NUP35: variants seen among roughly 807,000 people sequenced by gnomAD.
The protein encoded by NUP35 is nucleoporin 35, also known as nucleoporin NUP35.
Under a neutral mutation model 41.5 loss-of-function variants are expected in NUP35, and 25 were observed. The observed-to-expected ratio is 0.60, with a 90% CI of 0.44 to 0.84. The LOEUF (loss-of-function observed/expected upper bound fraction) is 0.84, where lower values mean the gene tolerates loss of function less well. NUP35 is among the 40% of genes least tolerant of loss of function. The pLI is 0.00. For missense variants in NUP35, 396 were observed against 396.6 expected, an observed-to-expected ratio of 1.00 and a Z score of 0.01; for synonymous variants, 149 against 130.7, an observed-to-expected ratio of 1.14 and a Z score of -0.96.
intron 4 of NUP35, among the ~76,000 whole-genome samples, chr2:183,146,846 C>T (rs1685298476): frequency 1.3e-5 from 2 of 152,160 alleles, no homozygotes; most frequent in Admixed American, 1.3e-4. Context: ...ATCCAAACGC[C>T]TTGGCCTCCC....
At chr2:183,136,959 G>A (rs190489339) in intron 4 of NUP35, among the ~76,000 whole-genome samples, 601 of 152,162 alleles carry the variant, frequency 3.9e-3, no homozygotes, top group Middle Eastern at 6.8e-3. Context: ...GCATGGTGGT[G>A]CACGCTTGTA....
chr2:183,143,902 GT>G (rs1193672577), intron 4 of NUP35, among the ~76,000 whole-genome samples: 4 of 152,130 alleles, frequency 2.6e-5, no homozygotes, highest in African/African-American at 9.7e-5. Context: ...TATAATGTGT[GT>G]GCCATACTGC....
chr2:183,137,056 C>T (rs564134381), intron 4 of NUP35, among the ~76,000 whole-genome samples: 83 of 151,956 alleles, frequency 5.5e-4, no homozygotes, highest in Non-Finnish European at 1.1e-3. Flanking sequence ...AGCCACTGCA[C>T]TCCAGCCTGG....
At chr2:183,136,012 T>G (rs1006395757) in intron 4 of NUP35, among the ~76,000 whole-genome samples, 5 of 152,242 alleles carry the variant, frequency 3.3e-5, no homozygotes, top group Non-Finnish European at 5.9e-5. Context: ...TTGGATCCTT[T>G]GAATCCTCCA....
chr2:183,124,285 G>A, upstream of NUP35: 2 of 1,423,236 alleles, frequency 1.4e-6, no homozygotes, highest in African/African-American at 1.4e-5. Flanking sequence ...AATTCTCAGC[G>A]CAAAGACTTT....
chr2:183,124,485 G>T lies in NUP35; in HGVS notation c.28G>T (p.Gly10Trp). 6.2e-7 allele frequency: 1 copy of T among 1,614,120 alleles called. No individual in the cohort carries two copies. Among genetic ancestry groups the T allele is most frequent in the African/African-American group, 1.3e-5 (1 of 75,054 alleles). Reference sequence around the variant, plus strand: ...GGCAGCCTTTGCAGTGGAACCTCAGGGGCCCGCGTTAGGTGAGTGAAATAT... The same window carrying T: ...GGCAGCCTTTGCAGTGGAACCTCAGTGGCCCGCGTTAGGTGAGTGAAATAT... Reference protein sequence around the residue: MAAFAVEPQGPALGSEPMML... With the variant: MAAFAVEPQWPALGSEPMML... Residue 10 changes from glycine (G) to tryptophan (W), a missense_variant, in exon 1 of 9, where the codon GGG (glycine) becomes TGG (tryptophan). Transcript: ENST00000295119.
intron 3 of NUP35, 72 bp from the exon 4 acceptor site, chr2:183,133,494 A>T: frequency 8.2e-7 from 1 of 1,219,054 alleles, no homozygotes; most frequent in Non-Finnish European, 1.2e-6. Context: ...TTATCCATTG[A>T]ATGAAGCCTT....
intron 6 of NUP35, 149 bp from the exon 7 acceptor site, chr2:183,158,134 G>T (rs186774209): frequency 4.0e-5 from 20 of 496,788 alleles, no homozygotes; most frequent in African/African-American, 3.9e-4. Context: ...TTCTAAATAC[G>T]ATTTTTGTTG....
At chr2:183,154,578 C>G (rs1013473269) in intron 5 of NUP35, among the ~76,000 whole-genome samples, 5 of 152,142 alleles carry the variant, frequency 3.3e-5, no homozygotes, top group African/African-American at 4.8e-5. Context: ...CAGTCGCCAA[C>G]AAGTTCCTCA....
In NUP35 at chr2:183,158,325, A is replaced by C; in HGVS notation, c.652A>C (p.Lys218Gln). 6.2e-7 allele frequency: 1 copy of C among 1,608,794 alleles called. No homozygotes were observed. The highest frequency in any genetic ancestry group is 2.2e-5 in the East Asian group (1 of 44,726). Reference protein sequence around the residue: ...GNWMHIRYQSKLQARKALSKD... With the variant: ...GNWMHIRYQSQLQARKALSKD... The stretch of plus-strand genomic sequence containing the variant: ...TTGGATGCATATTCGTTATCAATCT[A>C]AACTGCAGGCTCGGAAAGCCTTAAG... Residue 218 changes from lysine to glutamine, a missense_variant, in exon 7 of 9, where the codon AAA (lysine) becomes CAA (glutamine). Transcript: ENST00000295119.
intron 8 of NUP35, 82 bp downstream of exon 8, chr2:183,159,734 G>A (rs7562034): frequency 0.036 from 39,573 of 1,107,098 alleles, 919 homozygotes; most frequent in Non-Finnish European, 0.043. Context: ...GTATTGATTT[G>A]TATGCCATTA....
At position 183,161,627 on chromosome 2, in the gene NUP35, G is replaced by A. The variant is rs546233892; in HGVS notation, c.*496G>A. On this transcript the variant is annotated 3_prime_UTR_variant, in exon 9 of 9. Coordinates refer to ENST00000295119, the MANE Select transcript of NUP35 (RefSeq NM_138285.5). ...GTGTCCTCTTGGTGTATTCTAAAAC[G>A]AGCATTCTTTTAAAAAACCTAAAGT... The A allele has an allele frequency of 2.0e-5, 3 of 152,172 alleles. No homozygotes were observed. Among genetic ancestry groups the A allele is most frequent in the Non-Finnish European group, 2.9e-5 (2 of 68,042 alleles). 9.4% of individuals were successfully genotyped at this position (152,172 alleles called of 1,614,324 possible). A position where few individuals can be genotyped will look rare whatever the true frequency, so the allele number is the denominator to read the frequency against.
chr2:183,146,897 A>AT (rs1685300315), intron 4 of NUP35, among the ~76,000 whole-genome samples: 1 of 152,006 alleles, frequency 6.6e-6, no homozygotes, highest in South Asian at 2.1e-4. Context: ...CGCTTGGCCT[A>AT]TTTTTTGACT....
At chr2:183,159,723 T>C in intron 8 of NUP35, 71 bp downstream of exon 8, 1 of 1,138,722 alleles carries the variant, frequency 8.8e-7, no homozygotes, top group East Asian at 2.4e-5. Flanking sequence ...ACTTTTTCAT[T>C]GTATTGATTT....
At chr2:183,127,320 G>T (rs1008550929) in intron 1 of NUP35, among the ~76,000 whole-genome samples, 2 of 150,236 alleles carry the variant, frequency 1.3e-5, no homozygotes, top group Non-Finnish European at 3.0e-5. Context: ...ATCTCAGTGT[G>T]TTGCCCAGGC....
chr2:183,140,905 AG>A, intron 4 of NUP35, among the ~76,000 whole-genome samples: 1 of 152,002 alleles, frequency 6.6e-6, no homozygotes, highest in Non-Finnish European at 1.5e-5. Flanking sequence ...TGAACTAGCC[AG>A]TCCAGATCTT....
At chr2:183,130,932 G>C (rs1019807733) in intron 3 of NUP35, 3 of 1,140,390 alleles carry the variant, frequency 2.6e-6, no homozygotes, top group African/African-American at 1.6e-5. Flanking sequence ...GTTTCATCTA[G>C]ATCTAGGGCA....
chr2:183,158,472 A>T, intron 7 of NUP35, 61 bp downstream of exon 7: 2 of 1,424,790 alleles, frequency 1.4e-6, no homozygotes, highest in Non-Finnish European at 1.9e-6. Context: ...AAGACCAAGG[A>T]TTGAAATTGG....
chr2:183,130,754 C>T (rs749132808), intron 3 of NUP35, among the ~76,000 whole-genome samples: 29 of 150,818 alleles, frequency 1.9e-4, no homozygotes, highest in Admixed American at 5.3e-4. Flanking sequence ...GATTTTCTCT[C>T]ATAGGTAATT....
Sources: gnomAD v4.1 joint callset for allele counts (sites outside exome capture counted in the v4.1 genomes callset) on GRCh38, gnomAD v4.1.1 for gene constraint, MANE v1.5 for transcripts, NCBI Gene and HGNC (gene_info 2026-07-23, HGNC 2026-07-21) for gene names.